Variants in RB1CC1 observed in about 807,000 individuals in gnomAD.
RB1CC1 encodes RB1 inducible coiled-coil 1, also known as RB1-inducible coiled-coil protein 1.
In RB1CC1, 46 loss-of-function variants were observed where a neutral mutation model predicts 177.5. That is an observed-to-expected ratio of 0.26 (90% CI 0.20 to 0.33). The LOEUF is 0.33. Among genes scored for constraint, RB1CC1 ranks in the 10% least tolerant of loss-of-function variants. The pLI, the probability that RB1CC1 is intolerant of heterozygous loss-of-function variation, is 1.00. For missense variants in RB1CC1, 1,703 were observed against 1,816.3 expected, an observed-to-expected ratio of 0.94 and a Z score of 1.13; for synonymous variants, 666 against 613.6, an observed-to-expected ratio of 1.09 and a Z score of -1.26.
chr8:52,644,246 T>C (rs1311871023), intron 16 of RB1CC1, among the ~76,000 whole-genome samples: 1 of 152,056 alleles, frequency 6.6e-6, no homozygotes. Context: ...CTTAAATAAA[T>C]ACAACTTAAC....
chr8:52,637,592 A>C (rs1316712619), intron 18 of RB1CC1, among the ~76,000 whole-genome samples: 1 of 152,088 alleles, frequency 6.6e-6, no homozygotes, highest in Non-Finnish European at 1.5e-5. Context: ...AGACCTTAGG[A>C]TTTTCTCAAT....
chr8:52,651,685 T>TTA (rs959264592), intron 15 of RB1CC1, among the ~76,000 whole-genome samples: 26 of 152,354 alleles, frequency 1.7e-4, no homozygotes, highest in East Asian at 7.7e-4. Flanking sequence ...TGTAGTCGTT[T>TTA]TCTTTCACCA....
intron 1 of RB1CC1, among the ~76,000 whole-genome samples, chr8:52,713,567 T>C (rs1189754051): frequency 6.6e-6 from 1 of 152,150 alleles, no homozygotes; most frequent in East Asian, 1.9e-4. Context: ...TCTCCGTTCC[T>C]CCCATTCGGT....
At chr8:52,694,462 A>C (rs1250603177) in intron 1 of RB1CC1, among the ~76,000 whole-genome samples, 1 of 152,226 alleles carries the variant, frequency 6.6e-6, no homozygotes, top group African/African-American at 2.4e-5. Flanking sequence ...CATCCCGGAC[A>C]AACGGGACGC....
At chr8:52,649,843 A>G (rs1452633415) in intron 15 of RB1CC1, among the ~76,000 whole-genome samples, 1 of 152,210 alleles carries the variant, frequency 6.6e-6, no homozygotes, top group Non-Finnish European at 1.5e-5. Flanking sequence ...GCTTTCTCCT[A>G]TATTTTCAAA....
chr8:52,628,138 G>C lies in RB1CC1; in HGVS notation c.4530C>G (p.Ile1510Met), dbSNP rs778452131. ...CATAATTGTCATGGCGTTCGTCTAG[G>C]ATGATGAGTACCAAATCTCCCACCT... ...DFQVGDLVLI[I>M]LDERHDNYVL... The change falls in exon 22 of 24, where the codon ATC (isoleucine) becomes ATG (methionine). Residue 1510 changes from isoleucine to methionine, a missense_variant. Transcript: ENST00000025008. The C allele has an allele frequency of 8.7e-6, 14 of 1,608,800 alleles. No individual in the cohort carries two copies. Among genetic ancestry groups the C allele is most frequent in the Non-Finnish European group, 1.1e-5 (13 of 1,176,568 alleles).
intron 15 of RB1CC1, among the ~76,000 whole-genome samples, chr8:52,647,625 T>C (rs957378751): frequency 2.0e-5 from 3 of 152,172 alleles, no homozygotes; most frequent in African/African-American, 2.4e-5. Context: ...GATTTCTTCC[T>C]TGAAGAAATC....
chr8:52,651,302 C>T (rs1047628762), intron 15 of RB1CC1, among the ~76,000 whole-genome samples: 3 of 152,200 alleles, frequency 2.0e-5, no homozygotes, highest in Admixed American at 2.0e-4. Context: ...TACTCTAGAT[C>T]AAGGGCAGGT....
chr8:52,706,319 C>T (rs1014402323), intron 1 of RB1CC1, among the ~76,000 whole-genome samples: 1 of 151,324 alleles, frequency 6.6e-6, no homozygotes, highest in African/African-American at 2.4e-5. Flanking sequence ...TAAATATAGC[C>T]TTCCCTAAAT....
Position 52,657,785 on chromosome 8 carries a change from G to T in RB1CC1, c.2044C>A (p.Pro682Thr). The T allele has an allele frequency of 6.2e-7, 1 of 1,613,782 alleles. No homozygotes were observed. The change falls in exon 15 of 24, where the codon CCT becomes ACT. Residue 682 changes from proline (P) to threonine (T), a missense_variant. By Grantham distance (38) the Pro-to-Thr change is conservative. Transcript: ENST00000025008. ...PPLTVQDPLC[P>T]AVCPLEELSP... is the part of the protein sequence containing the mutation. ...AATTCTTCTAAGGGACAAACTGCAG[G>T]ACATAAGGGATCCTGAACAGTCAGT...
Position 52,656,339 on chromosome 8 carries a change from G to C in RB1CC1, c.3490C>G (p.Gln1164Glu). The change falls in exon 15 of 24, where the codon CAA becomes GAA. Residue 1164 changes from glutamine to glutamate, a missense_variant. Coordinates refer to ENST00000025008, the MANE Select transcript of RB1CC1 (RefSeq NM_014781.5). ...ELNKVTSLHN[Q>E]AFEIEKNLKE... ...AGGTTTTTTTCTATTTCAAATGCTT[G>C]GTTATGCAAAGATGTTACTTTGTTT... 2 of 1,611,920 alleles carry C rather than the reference G, an allele frequency of 1.2e-6. No homozygotes were observed.
At chr8:52,642,011 T>G (rs1173194102) in intron 18 of RB1CC1, among the ~76,000 whole-genome samples, 1 of 152,132 alleles carries the variant, frequency 6.6e-6, no homozygotes, top group Admixed American at 6.5e-5. Context: ...CTCACCAAAA[T>G]GAATATATTC....
At chr8:52,633,503 A>C (rs558432360) in intron 20 of RB1CC1, among the ~76,000 whole-genome samples, 4 of 152,342 alleles carry the variant, frequency 2.6e-5, no homozygotes, top group African/African-American at 9.6e-5. Flanking sequence ...TCACAGTATA[A>C]TCACTACAAA....
At chr8:52,661,490 T>A in intron 9 of RB1CC1, 45 bp downstream of exon 9, 2 of 1,513,580 alleles carry the variant, frequency 1.3e-6, no homozygotes, top group Non-Finnish European at 1.8e-6. Context: ...TAAATATAAA[T>A]ACCAATTCTA....
At chr8:52,650,627 C>CA (rs375489930) in intron 15 of RB1CC1, among the ~76,000 whole-genome samples, 5 of 151,490 alleles carry the variant, frequency 3.3e-5, no homozygotes, top group African/African-American at 9.7e-5. Flanking sequence ...AATCCTGATA[C>CA]AAAAAAATGA....
intron 19 of RB1CC1, among the ~76,000 whole-genome samples, chr8:52,635,436 A>G (rs1034753626): frequency 7.9e-5 from 12 of 152,184 alleles, no homozygotes; most frequent in African/African-American, 2.9e-4. Flanking sequence ...TTGTAAAGAA[A>G]AAAAGGCATT....
In RB1CC1 at chr8:52,668,134, G is replaced by A; in HGVS notation, c.1060C>T (p.Leu354Phe). 1 of 1,614,096 alleles carries A rather than the reference G, an allele frequency of 6.2e-7. No homozygotes were observed. The change falls in exon 8 of 24, where the codon CTT becomes TTT. Residue 354 changes from leucine to phenylalanine, a missense_variant. Leu to Phe is a conservative substitution (Grantham distance 22, BLOSUM62 0). Around this residue, in one of 6 missense-constraint regions of RB1CC1, gnomAD observed 315 missense variants for 304.9 expected, o/e 1.03. Coordinates refer to ENST00000025008, the MANE Select transcript of RB1CC1 (RefSeq NM_014781.5). The part of the protein sequence containing the change: ...IAECRQTIAK[L>F]DNQNMKAIKG... Reference sequence around the variant, plus strand: ...ATGGCTTTCATATTCTGATTATCAAGTTTGGCAATAGTTTGACGGCATTCT... The same window carrying A: ...ATGGCTTTCATATTCTGATTATCAAATTTGGCAATAGTTTGACGGCATTCT...
At chr8:52,678,309 G>A (rs1853338035) in intron 5 of RB1CC1, among the ~76,000 whole-genome samples, 1 of 152,034 alleles carries the variant, frequency 6.6e-6, no homozygotes. Context: ...CCCAGCTACT[G>A]GGGAAGCTGA....
intron 8 of RB1CC1, among the ~76,000 whole-genome samples, chr8:52,662,522 T>C (rs1353260769): frequency 1.3e-5 from 2 of 152,120 alleles, no homozygotes; most frequent in Non-Finnish European, 2.9e-5. Flanking sequence ...TTTTTTCCTA[T>C]GCTATATACC....
Sources: allele counts gnomAD v4.1 joint callset (sites outside exome capture counted in the v4.1 genomes callset), GRCh38; gene constraint gnomAD v4.1.1; regional missense constraint gnomAD v4.1.1; transcripts MANE v1.5; gene names NCBI Gene and HGNC (gene_info 2026-07-23, HGNC 2026-07-21).